ZIC4: variants seen among roughly 807,000 people sequenced by gnomAD.
The protein encoded by ZIC4 is zinc finger protein ZIC 4.
Under a neutral mutation model 28.8 loss-of-function variants are expected in ZIC4, and 15 were observed. The ratio of observed to expected loss-of-function variants is 0.52; its 90% CI spans 0.35 to 0.80. ZIC4 has a LOEUF of 0.80. Among genes scored for constraint, ZIC4 ranks in the 30% least tolerant of loss-of-function variants. The pLI is 0.01. For synonymous variants in ZIC4, 220 were observed against 198.1 expected (o/e 1.11, Z -0.93); for missense variants, 512 against 467.1 (o/e 1.10, Z -0.89).
intron 3 of ZIC4, chr3:147,392,783 G>A (rs1411186488): frequency 6.6e-6 from 1 of 152,276 alleles, no homozygotes; most frequent in African/African-American, 2.4e-5. Flanking sequence ...CGGCTCCTGA[G>A]CCCGGGTCTC....
In ZIC4 at chr3:147,402,740, G is replaced by A. The variant is rs1021385047; in HGVS notation, c.58C>T (p.Leu20Phe). The change falls in exon 2 of 5, where the codon CTT (leucine) becomes TTT (phenylalanine). Residue 20 changes from leucine to phenylalanine, a missense_variant. Transcript: ENST00000383075. ...RKRLRLYRNT[L>F]KESSSSSGHH... ...GATTTTAACTTACTTGACTCTTTAA[G>A]AGTGTTTCGGTAAAGCCGTAATCGT... The A allele has an allele frequency of 6.2e-7, 1 of 1,613,218 alleles. No homozygotes were observed. Among genetic ancestry groups the A allele is most frequent in the South Asian group, 1.1e-5 (1 of 90,956 alleles).
At position 147,390,778 on chromosome 3, in the gene ZIC4, C is replaced by T. The variant is rs1181692028; in HGVS notation, c.1004+153G>A. The stretch of plus-strand genomic sequence containing the variant: ...CCCTCTTCATGCCTCAGAAACGTGG[C>T]CTACTCTGCATTCGGTGTGTGCGGA... On this transcript the variant is annotated intron_variant, in intron 4 of 4. Transcript: ENST00000383075. 2.0e-5 allele frequency among the ~76,000 whole-genome samples: 3 copies of T among 152,366 alleles called. No individual in the cohort carries two copies. In the East Asian group the frequency reaches 5.8e-4, roughly 29 times the overall value.
At chr3:147,393,907 C>T (rs16859414) in intron 3 of ZIC4, 31,834 of 456,628 alleles carry the variant, frequency 0.07, 1,331 homozygotes, top group South Asian at 0.097. Flanking sequence ...CCTTTCGGTG[C>T]GGACAGTCGC....
intron 3 of ZIC4, among the ~76,000 whole-genome samples, chr3:147,395,200 C>T (rs971446306): frequency 2.0e-5 from 3 of 152,226 alleles, no homozygotes; most frequent in African/African-American, 7.2e-5. Context: ...GAACGATACT[C>T]CTTTTTTTCT....
chr3:147,392,042 T>C (rs58262807), intron 3 of ZIC4: 358,126 of 985,302 alleles, frequency 0.36, 65,698 homozygotes, highest in East Asian at 0.49. Flanking sequence ...AGAGGCTTCC[T>C]GGAGACCGTG....
In ZIC4 at chr3:147,386,282, C is replaced by T. The variant is rs990290088; in HGVS notation, c.*2577G>A. On this transcript the variant is annotated 3_prime_UTR_variant, in exon 5 of 5. Transcript: ENST00000383075. ...CATAATTTAACTGACACTAAAGAGA[C>T]AGATGATAAATCACAAACAGTGTGG... 4 of 152,306 alleles carry T rather than the reference C, an allele frequency of 2.6e-5. No individual in the cohort carries two copies. The highest frequency in any genetic ancestry group is 5.9e-5 in the Non-Finnish European group (4 of 68,032). 9.4% of individuals were successfully genotyped at this position (152,306 alleles called of 1,614,324 possible).
chr3:147,405,078 G>C (rs1363310061), intron 1 of ZIC4, among the ~76,000 whole-genome samples: 5 of 152,172 alleles, frequency 3.3e-5, no homozygotes, highest in African/African-American at 7.2e-5. Context: ...CCCTCCATTC[G>C]ACCCTCAAGC....
At chr3:147,398,847 CTTATACAT>C (rs1428849975) in intron 2 of ZIC4, among the ~76,000 whole-genome samples, 5 of 152,080 alleles carry the variant, frequency 3.3e-5, no homozygotes, top group African/African-American at 1.2e-4. Context: ...AAGGACTATT[CTTATACAT>C]TTCCTGGTCA....
intron 1 of ZIC4, chr3:147,403,484 G>A (rs2087211723): frequency 6.5e-6 from 1 of 153,198 alleles, no homozygotes; most frequent in African/African-American, 2.4e-5. Context: ...GAGAAGGGTA[G>A]AAATAACACC....
At chr3:147,398,832 G>A (rs1174918074) in intron 2 of ZIC4, among the ~76,000 whole-genome samples, 1 of 152,102 alleles carries the variant, frequency 6.6e-6, no homozygotes, top group Admixed American at 6.5e-5. Flanking sequence ...CCCATCCCCA[G>A]CACCAAGGAC....
Position 147,405,394 on chromosome 3 carries a change from C to A in ZIC4, c.-16+969G>T. 2.0e-6 allele frequency: 3 copies of A among 1,537,046 alleles called. No individual in the cohort carries two copies. The South Asian group carries it at 3.6e-5, about 18-fold the overall frequency. ...TGACCTTGGAATCCAAAGGGAGTTTCCTGAAGACGGTGACGGCCGAAGTGC... is the reference window on the plus strand; with the variant it reads ...TGACCTTGGAATCCAAAGGGAGTTTACTGAAGACGGTGACGGCCGAAGTGC... On this transcript the variant is annotated intron_variant, in intron 1 of 4. Transcript: ENST00000383075.
At chr3:147,402,658 A>C in intron 2 of ZIC4, 70 bp downstream of exon 2, 3 of 459,718 alleles carry the variant, frequency 6.5e-6, no homozygotes, top group Non-Finnish European at 9.7e-6. Flanking sequence ...CTTCCTACTT[A>C]AAAAAAAAAA....
At chr3:147,400,021 G>A (rs192905354) in intron 2 of ZIC4, among the ~76,000 whole-genome samples, 5 of 152,184 alleles carry the variant, frequency 3.3e-5, no homozygotes, top group Non-Finnish European at 5.9e-5. Flanking sequence ...TTGAATAACA[G>A]TATGGACAGA....
At chr3:147,401,704 G>A (rs2087167368) in intron 2 of ZIC4, among the ~76,000 whole-genome samples, 1 of 151,228 alleles carries the variant, frequency 6.6e-6, no homozygotes, top group African/African-American at 2.4e-5. Flanking sequence ...GATGAGATCT[G>A]TTAGGATTTT....
chr3:147,398,380 C>T (rs1324473189), intron 2 of ZIC4, among the ~76,000 whole-genome samples: 1 of 152,150 alleles, frequency 6.6e-6, no homozygotes, highest in African/African-American at 2.4e-5. Context: ...TCTGAGAGGG[C>T]CTGCAGGCCC....
chr3:147,396,093 G>A lies in ZIC4; in HGVS notation c.447C>T (p.Ser149=). 6.2e-7 allele frequency: 1 copy of A among 1,614,226 alleles called. No homozygotes were observed. The highest frequency in any genetic ancestry group is 8.5e-7 in the Non-Finnish European group (1 of 1,180,046). ...ATPSLCSKTF[S]TMHELVTHVT... ...CGTGCGTGACCAGCTCGTGCATGGTGCTGAAAGTTTTGGAGCAGAGGCTCG... is the reference window on the plus strand; with the variant it reads ...CGTGCGTGACCAGCTCGTGCATGGTACTGAAAGTTTTGGAGCAGAGGCTCG... The change falls in exon 3 of 5, where the codon AGC becomes AGT. Residue 149 remains serine, a synonymous_variant. Transcript: ENST00000383075. This position sits in a 1 kb window ranked among gnomAD's most constrained non-coding sequence, Gnocchi z 4.2.
chr3:147,391,905 A>C, intron 3 of ZIC4: 1 of 911,698 alleles, frequency 1.1e-6, no homozygotes, highest in Non-Finnish European at 1.3e-6. Context: ...ACAGGAATGG[A>C]GCCCCCTCCC....
At chr3:147,405,287 C>T in intron 1 of ZIC4, 1 of 1,285,206 alleles carries the variant, frequency 7.8e-7, no homozygotes, top group Non-Finnish European at 1.0e-6. Flanking sequence ...AACCTGCAGG[C>T]GGCTGAGACA....
intron 3 of ZIC4, chr3:147,392,312 CG>C: frequency 1.0e-6 from 1 of 985,702 alleles, no homozygotes; most frequent in Non-Finnish European, 1.2e-6. Context: ...TGGCATAGGC[CG>C]GGGAGGGGCT....
Sources: allele counts gnomAD v4.1 joint callset (sites outside exome capture counted in the v4.1 genomes callset), GRCh38; gene constraint gnomAD v4.1.1; non-coding constraint Gnocchi (gnomAD v3.1); transcripts MANE v1.5; gene names NCBI Gene and HGNC (gene_info 2026-07-23, HGNC 2026-07-21).